Variants in RTL4 observed in about 807,000 individuals in gnomAD.
RTL4 encodes the protein retrotransposon Gag-like protein 4.
Under a neutral mutation model 5.3 loss-of-function variants are expected in RTL4, and 4 were observed. That is an observed-to-expected ratio of 0.75 (90% confidence interval 0.37 to 1.72). The LOEUF is 1.72. Among genes scored for constraint, RTL4 ranks in the 40% most tolerant of loss-of-function variants. The probability of loss-of-function intolerance (pLI) is 0.04; values close to 1 mark genes in which losing one functional copy is unlikely to be tolerated. For synonymous variants in RTL4, 98 were observed against 87.3 expected (o/e 1.12, Z -0.68); for missense variants, 260 against 227.1 (o/e 1.14, Z -0.93).
the RTL4 span, among the ~76,000 whole-genome samples, chrX:112,361,221 G>A: frequency 3.6e-5 from 4 of 110,868 alleles, no homozygotes; most frequent in Non-Finnish European, 7.6e-5. Flanking sequence ...TTACAATTGG[G>A]GAAAAAGGAC....
chrX:112,262,695 T>C, the RTL4 span, among the ~76,000 whole-genome samples: 2 of 111,410 alleles, frequency 1.8e-5, no homozygotes, highest in Middle Eastern at 4.2e-3. Flanking sequence ...CATTACTGGG[T>C]ATATACCCAA....
the RTL4 span, among the ~76,000 whole-genome samples, chrX:112,391,013 T>C: frequency 8.9e-6 from 1 of 112,096 alleles, no homozygotes; most frequent in Non-Finnish European, 1.9e-5. Flanking sequence ...TTTTGCTCAT[T>C]TCTTTTTATT....
chrX:112,098,904 C>T, the RTL4 span, among the ~76,000 whole-genome samples: 1 of 111,904 alleles, frequency 8.9e-6, no homozygotes, highest in Non-Finnish European at 1.9e-5. Context: ...TAAAGACTTA[C>T]ATGTTAGACC....
At chrX:112,278,664 A>C in the RTL4 span, among the ~76,000 whole-genome samples, 1 of 111,584 alleles carries the variant, frequency 9.0e-6, no homozygotes, top group African/African-American at 3.3e-5. Context: ...TGCTGTAAGA[A>C]CTTCCAATCA....
chrX:112,146,601 G>A, the RTL4 span, among the ~76,000 whole-genome samples: 2 of 110,483 alleles, frequency 1.8e-5, no homozygotes, highest in Non-Finnish European at 3.8e-5. Context: ...AGGGAAATGA[G>A]GAGGAAGCAG....
chrX:112,182,669 G>A, the RTL4 span, among the ~76,000 whole-genome samples: 1 of 112,130 alleles, frequency 8.9e-6, no homozygotes, highest in Non-Finnish European at 1.9e-5. Context: ...GGGACTATGT[G>A]AAAAGACCAA....
chrX:112,326,352 G>A, the RTL4 span, among the ~76,000 whole-genome samples: 1 of 111,663 alleles, frequency 9.0e-6, no homozygotes, highest in Middle Eastern at 4.7e-3. Context: ...AAGCACAAGG[G>A]GTCAGGGAGT....
the RTL4 span, among the ~76,000 whole-genome samples, chrX:112,134,429 C>T: frequency 1.1e-3 from 118 of 112,321 alleles, no homozygotes; most frequent in African/African-American, 3.6e-3. Context: ...ATTGCAGAAA[C>T]GGACATCTCA....
At chrX:112,350,484 C>T in the RTL4 span, among the ~76,000 whole-genome samples, 1 of 109,969 alleles carries the variant, frequency 9.1e-6, no homozygotes, top group Non-Finnish European at 1.9e-5. Context: ...GCTGTGAATC[C>T]CTCTGGTCCT....
chrX:112,221,429 G>A, the RTL4 span, among the ~76,000 whole-genome samples: 6 of 111,224 alleles, frequency 5.4e-5, no homozygotes, highest in Non-Finnish European at 1.1e-4. Context: ...CAGCATCAAG[G>A]TGCTCCAGCC....
At chrX:112,160,663 A>G in the RTL4 span, among the ~76,000 whole-genome samples, 1 of 111,673 alleles carries the variant, frequency 9.0e-6, no homozygotes, top group Non-Finnish European at 1.9e-5. Flanking sequence ...GGTATGAGGC[A>G]TGGAGGCAGG....
At chrX:112,161,830 TTCCTTCCTTC>T in the RTL4 span, among the ~76,000 whole-genome samples, 20 of 43,766 alleles carry the variant, frequency 4.6e-4, no homozygotes, top group African/African-American at 1.2e-3. Context: ...CCTTCCTTCC[TTCCTTCCTTC>T]CTTCCTTTCT....
At chrX:112,128,434 C>A in the RTL4 span, among the ~76,000 whole-genome samples, 1 of 110,790 alleles carries the variant, frequency 9.0e-6, no homozygotes, top group African/African-American at 3.3e-5. Context: ...GAGGCCGAGG[C>A]GGGCGGATTA....
At chrX:112,178,461 C>T in the RTL4 span, among the ~76,000 whole-genome samples, 1 of 111,751 alleles carries the variant, frequency 8.9e-6, no homozygotes, top group Non-Finnish European at 1.9e-5. Flanking sequence ...AATTTCTTGC[C>T]TCTGACAACT....
At chrX:112,365,047 T>C in the RTL4 span, among the ~76,000 whole-genome samples, 4 of 111,172 alleles carry the variant, frequency 3.6e-5, no homozygotes, top group African/African-American at 1.3e-4. Context: ...GGTAGTCAAT[T>C]GTGTAAAGGA....
chrX:112,387,070 C>T, the RTL4 span, among the ~76,000 whole-genome samples: 1 of 110,528 alleles, frequency 9.0e-6, no homozygotes, highest in African/African-American at 3.3e-5. Context: ...AAGGTGGTAT[C>T]GCATTGTGAT....
chrX:112,433,615 G>A, the RTL4 span, among the ~76,000 whole-genome samples: 1 of 54,245 alleles, frequency 1.8e-5, no homozygotes, highest in South Asian at 1.1e-3. Flanking sequence ...TTGCTTATCA[G>A]CTTAAGGAGA....
At chrX:112,324,530 G>A in the RTL4 span, among the ~76,000 whole-genome samples, 9 of 109,812 alleles carry the variant, frequency 8.2e-5, no homozygotes, top group African/African-American at 2.3e-4. Flanking sequence ...TCTTTTCCTG[G>A]TTTTCTAAGA....
At chrX:112,321,367 C>G in the RTL4 span, among the ~76,000 whole-genome samples, 2 of 109,818 alleles carry the variant, frequency 1.8e-5, no homozygotes, top group African/African-American at 6.6e-5. Flanking sequence ...TAAACCCTGT[C>G]TCTACTAAAA....
Sources: gnomAD v4.1 joint callset for allele counts (sites outside exome capture counted in the v4.1 genomes callset) on GRCh38, gnomAD v4.1.1 for gene constraint, MANE v1.5 for transcripts, NCBI Gene and HGNC (gene_info 2026-07-23, HGNC 2026-07-21) for gene names.